Variants in TDRD3 observed in about 807,000 individuals in gnomAD.
The protein encoded by TDRD3 is tudor domain containing 3, also known as tudor domain-containing protein 3.
TDRD3 carries 45 observed loss-of-function variants against 86.7 expected under a neutral mutation model. The observed-to-expected ratio is 0.52, with a 90% CI of 0.41 to 0.67. TDRD3 has a LOEUF of 0.67. Among genes scored for constraint, TDRD3 ranks in the 30% least tolerant of loss-of-function variants. TDRD3 has a pLI of 0.00. For missense variants in TDRD3, 814 were observed against 889.0 expected (o/e 0.92, Z 1.07); for synonymous variants, 298 against 301.7 (o/e 0.99, Z 0.13).
At chr13:60,420,921 G>C (rs1176807404) in intron 1 of TDRD3, among the ~76,000 whole-genome samples, 2 of 152,150 alleles carry the variant, frequency 1.3e-5, no homozygotes, top group Non-Finnish European at 2.9e-5. Flanking sequence ...TCCAACCTAG[G>C]TGACAGACTG....
intron 4 of TDRD3, among the ~76,000 whole-genome samples, chr13:60,466,795 T>TA (rs36047256): frequency 0.052 from 7,562 of 144,590 alleles, 229 homozygotes; most frequent in Non-Finnish European, 0.07. Context: ...CTCTGTCTTT[T>TA]AAAAAAAAAA....
chr13:60,505,465 A>T (rs540874630), intron 8 of TDRD3, among the ~76,000 whole-genome samples: 2 of 152,320 alleles, frequency 1.3e-5, no homozygotes, highest in South Asian at 4.1e-4. Flanking sequence ...TAAAACTCCC[A>T]TGTCCCTGGG....
chr13:60,511,211 G>A (rs1410530656), intron 10 of TDRD3, among the ~76,000 whole-genome samples: 1 of 152,166 alleles, frequency 6.6e-6, no homozygotes, highest in Non-Finnish European at 1.5e-5. Flanking sequence ...GAAAAGAGAA[G>A]TAAGTATGGT....
chr13:60,511,630 T>G (rs1957062008), intron 10 of TDRD3, among the ~76,000 whole-genome samples: 1 of 152,212 alleles, frequency 6.6e-6, no homozygotes, highest in Non-Finnish European at 1.5e-5. Flanking sequence ...TTGGGGCCTC[T>G]GTTTAAAGTC....
At chr13:60,570,803 A>T (rs1461466393) in intron 13 of TDRD3, among the ~76,000 whole-genome samples, 3 of 146,650 alleles carry the variant, frequency 2.0e-5, no homozygotes, top group Non-Finnish European at 3.0e-5. Context: ...AGTCCCCTTG[A>T]CCCCTTCTTT....
intron 10 of TDRD3, among the ~76,000 whole-genome samples, chr13:60,525,109 A>C (rs1366532417): frequency 1.2e-3 from 152 of 131,120 alleles, no homozygotes; most frequent in Non-Finnish European, 2.2e-3. Flanking sequence ...AAAAAAAAAA[A>C]CCCCACAATT....
rs549717354 is a variant in TDRD3, at chr13:60,466,467, C to G, written c.354-771C>G. Among the ~76,000 whole-genome samples the G allele has an allele frequency of 2.0e-5, 3 of 151,896 alleles. No homozygotes were observed. The South Asian group carries it at 6.3e-4, about 32-fold the overall frequency. ...TTTTCTTTTGCAAGTGAAGACTAAA[C>G]CTCATTTCTTTGTCATTGAGATAGA... On this transcript the variant is annotated intron_variant, in intron 4 of 13. Coordinates refer to ENST00000377881, the MANE Select transcript of TDRD3 (RefSeq NM_001146070.2).
chr13:60,415,804 A>C (rs1446658850), intron 1 of TDRD3, among the ~76,000 whole-genome samples: 2 of 152,146 alleles, frequency 1.3e-5, no homozygotes, highest in Non-Finnish European at 2.9e-5. Flanking sequence ...CCAAGTTTAC[A>C]AAGATAGTTC....
At chr13:60,533,502 G>A (rs1957628992) in intron 11 of TDRD3, among the ~76,000 whole-genome samples, 1 of 152,040 alleles carries the variant, frequency 6.6e-6, no homozygotes, top group African/African-American at 2.4e-5. Flanking sequence ...TTAGCCAGGT[G>A]TAGTAGCACG....
At chr13:60,397,466 TGGGTTGGGGGCGGC>T in intron 1 of TDRD3, 61 bp downstream of exon 1, 1 of 1,392,044 alleles carries the variant, frequency 7.2e-7, no homozygotes, top group Non-Finnish European at 9.4e-7. Context: ...CCAGGGAGGT[TGGGTTGGGGGCGGC>T]GGGGTGCGTG....
At chr13:60,511,862 A>C (rs1040566778) in intron 10 of TDRD3, among the ~76,000 whole-genome samples, 1 of 152,130 alleles carries the variant, frequency 6.6e-6, no homozygotes, top group African/African-American at 2.4e-5. Context: ...TTTGCTCTGC[A>C]AAGCCAGCAG....
Position 60,397,376 on chromosome 13 carries a change from G to A in TDRD3, c.12G>A (p.Val4=). 2 of 1,496,412 alleles carry A rather than the reference G, an allele frequency of 1.3e-6. No individual in the cohort carries two copies. The highest frequency in any genetic ancestry group is 1.4e-5 in the African/African-American group (1 of 70,366). The allele number at this position is 1,496,412 out of a possible 1,614,324, so 92.7% of individuals were successfully genotyped here. Residue 4 remains valine, a synonymous_variant, in exon 1 of 14, where the codon GTG becomes GTA. Coordinates refer to ENST00000377881, the MANE Select transcript of TDRD3 (RefSeq NM_001146070.2). MAQ[V]AGAALSQAGW... ...CCTAAGCAGCTACCATGGCCCAGGTGGCCGGCGCGGCGTTGTCCCAGGCGG... is the reference window on the plus strand; with the variant it reads ...CCTAAGCAGCTACCATGGCCCAGGTAGCCGGCGCGGCGTTGTCCCAGGCGG...
chr13:60,483,039 T>G (rs1956353942), intron 5 of TDRD3, among the ~76,000 whole-genome samples: 1 of 152,080 alleles, frequency 6.6e-6, no homozygotes, highest in Admixed American at 6.6e-5. Flanking sequence ...TGGAGACTCC[T>G]TATGGGATTT....
chr13:60,526,313 G>T (rs1158120040), intron 10 of TDRD3, among the ~76,000 whole-genome samples: 1 of 152,144 alleles, frequency 6.6e-6, no homozygotes, highest in African/African-American at 2.4e-5. Flanking sequence ...TATTGATAAT[G>T]TATATAAAGT....
At chr13:60,524,348 A>G (rs1346686145) in intron 10 of TDRD3, among the ~76,000 whole-genome samples, 2 of 151,956 alleles carry the variant, frequency 1.3e-5, no homozygotes, top group Admixed American at 1.3e-4. Flanking sequence ...CTCTACTAAA[A>G]ATACAAAAAT....
At chr13:60,508,377 G>A (rs1400321706) in intron 8 of TDRD3, among the ~76,000 whole-genome samples, 1 of 152,022 alleles carries the variant, frequency 6.6e-6, no homozygotes, top group Non-Finnish European at 1.5e-5. Context: ...TATACTAAAA[G>A]GCTACAGTAA....
At chr13:60,528,324 A>T (rs751314304) in intron 10 of TDRD3, 43 bp from the exon 11 acceptor site, 1 of 1,522,570 alleles carries the variant, frequency 6.6e-7, no homozygotes, top group South Asian at 1.3e-5. Flanking sequence ...ATTAATGCAG[A>T]GTCTTCATCT....
At chr13:60,527,145 G>T (rs567437836) in intron 10 of TDRD3, among the ~76,000 whole-genome samples, 1 of 152,136 alleles carries the variant, frequency 6.6e-6, no homozygotes, top group Admixed American at 6.6e-5. Flanking sequence ...TGACCACTTT[G>T]AGTCTTGATC....
At chr13:60,515,886 T>G (rs2137693339) in intron 10 of TDRD3, among the ~76,000 whole-genome samples, 1 of 152,328 alleles carries the variant, frequency 6.6e-6, no homozygotes, top group Admixed American at 6.5e-5. Flanking sequence ...TTAACTTCAT[T>G]GATGGGAGAA....
Sources: allele counts gnomAD v4.1 joint callset (sites outside exome capture counted in the v4.1 genomes callset), GRCh38; gene constraint gnomAD v4.1.1; transcripts MANE v1.5; gene names NCBI Gene and HGNC (gene_info 2026-07-23, HGNC 2026-07-21).